PRELID2: variants seen among roughly 807,000 people sequenced by gnomAD.
The protein encoded by PRELID2 is PRELI domain-containing protein 2.
In PRELID2, 25 loss-of-function variants were observed where a neutral mutation model predicts 28.4. That is an observed-to-expected ratio of 0.88 (90% confidence interval 0.64 to 1.23). The LOEUF is 1.23. Ranked by LOEUF, PRELID2 falls within the 50% of genes most tolerant of loss-of-function variation. The pLI is 0.00. For synonymous variants in PRELID2, 76 were observed against 71.6 expected, an observed-to-expected ratio of 1.06 and a Z score of -0.31; for missense variants, 201 against 214.4, an observed-to-expected ratio of 0.94 and a Z score of 0.39.
chr5:145,784,490 G>A (rs1395769367), intron 5 of PRELID2, among the ~76,000 whole-genome samples: 1 of 152,152 alleles, frequency 6.6e-6, no homozygotes, highest in Non-Finnish European at 1.5e-5. Flanking sequence ...GATATCCAGT[G>A]CCAAATTTGC....
chr5:145,572,178 T>G (rs1316859142), intron 1 of PRELID2, among the ~76,000 whole-genome samples: 1 of 152,132 alleles, frequency 6.6e-6, no homozygotes, highest in African/African-American at 2.4e-5. Flanking sequence ...ATCAGAAAAT[T>G]TTGGCTTCTC....
At chr5:145,236,852 T>G in the PRELID2 span, among the ~76,000 whole-genome samples, 4 of 152,076 alleles carry the variant, frequency 2.6e-5, no homozygotes, top group Admixed American at 6.6e-5. Flanking sequence ...TTTGGAAAAA[T>G]AGCCACAGTT....
At chr5:145,400,067 A>G in the PRELID2 span, among the ~76,000 whole-genome samples, 1 of 152,114 alleles carries the variant, frequency 6.6e-6, no homozygotes, top group Non-Finnish European at 1.5e-5. Flanking sequence ...AATTTTATTT[A>G]ATACTGGGTT....
intron 1 of PRELID2, among the ~76,000 whole-genome samples, chr5:145,594,911 T>C (rs1753281020): frequency 6.6e-6 from 1 of 151,934 alleles, no homozygotes; most frequent in South Asian, 2.1e-4. Flanking sequence ...GCAGATCGCT[T>C]GAGGTCAGAA....
chr5:145,331,846 T>C, the PRELID2 span, among the ~76,000 whole-genome samples: 1 of 152,212 alleles, frequency 6.6e-6, no homozygotes. Context: ...CCTTAGTTTA[T>C]GCAGTTTCTT....
At chr5:145,233,651 G>A in the PRELID2 span, among the ~76,000 whole-genome samples, 1 of 152,114 alleles carries the variant, frequency 6.6e-6, no homozygotes, top group African/African-American at 2.4e-5. Context: ...CATCTCTCAG[G>A]ACAGTTATGG....
At chr5:145,319,273 G>T in the PRELID2 span, among the ~76,000 whole-genome samples, 9 of 152,244 alleles carry the variant, frequency 5.9e-5, no homozygotes, top group Admixed American at 5.9e-4. Context: ...ATCACTAAAA[G>T]GATGGGAATT....
chr5:145,232,969 G>GTATA, the PRELID2 span, among the ~76,000 whole-genome samples: 241 of 148,266 alleles, frequency 1.6e-3, 2 homozygotes, highest in Non-Finnish European at 2.6e-3. Context: ...ATGTATGTAT[G>GTATA]TATATATATA....
At chr5:145,814,822 T>A (rs1274115102) in intron 4 of PRELID2, among the ~76,000 whole-genome samples, 1 of 152,152 alleles carries the variant, frequency 6.6e-6, no homozygotes, top group Admixed American at 6.5e-5. Context: ...CTCAAAAAAA[T>A]TAATCATTTT....
the PRELID2 span, among the ~76,000 whole-genome samples, chr5:145,285,389 G>T: frequency 6.6e-6 from 1 of 152,088 alleles, no homozygotes; most frequent in Non-Finnish European, 1.5e-5. Flanking sequence ...CATCCCCGAA[G>T]CTCCCCCGCT....
the PRELID2 span, among the ~76,000 whole-genome samples, chr5:145,256,948 A>G: frequency 1.3e-5 from 2 of 151,942 alleles, no homozygotes; most frequent in Non-Finnish European, 2.9e-5. Flanking sequence ...ACTTAAGAAG[A>G]TATCTTCAAT....
rs188762755 is a variant in PRELID2, at chr5:145,676,302, A to G, written n.70+88629T>C. 4.5e-4 allele frequency among the ~76,000 whole-genome samples: 69 copies of G among 151,876 alleles called. 1 individual carries two copies. The highest frequency in any genetic ancestry group is 1.6e-3 in the African/African-American group (66 of 41,410). On this transcript the variant is annotated intron_variant and non_coding_transcript_variant, in intron 1 of 2. Transcript: ENST00000510259. ...CGCCTGTAATTCCAGCACTTTGGGC[A>G]GCCAAGGCGGGCAGATCACGAGGTC...
At chr5:145,407,211 C>T in the PRELID2 span, among the ~76,000 whole-genome samples, 1 of 152,132 alleles carries the variant, frequency 6.6e-6, no homozygotes, top group African/African-American at 2.4e-5. Context: ...GGCTTGTTGG[C>T]TGGAGCAAGA....
intron 1 of PRELID2, among the ~76,000 whole-genome samples, chr5:145,691,284 G>A (rs1331337529): frequency 6.6e-6 from 1 of 152,154 alleles, no homozygotes; most frequent in East Asian, 1.9e-4. Context: ...AGCTAACATA[G>A]GACCAAGCAC....
At chr5:145,532,571 CCTGT>C (rs1752662709) in intron 1 of PRELID2, among the ~76,000 whole-genome samples, 1 of 152,034 alleles carries the variant, frequency 6.6e-6, no homozygotes, top group Non-Finnish European at 1.5e-5. Flanking sequence ...ATGTATTCCT[CCTGT>C]CTAACTGAAA....
At chr5:145,724,230 T>A (rs370594251) in intron 1 of PRELID2, among the ~76,000 whole-genome samples, 1 of 152,104 alleles carries the variant, frequency 6.6e-6, no homozygotes, top group South Asian at 2.1e-4. Flanking sequence ...CATGGTCCCC[T>A]TGATATGATG....
chr5:145,761,789 C>T (rs531990411), intron 6 of PRELID2, among the ~76,000 whole-genome samples: 11 of 152,286 alleles, frequency 7.2e-5, no homozygotes, highest in African/African-American at 2.6e-4. Flanking sequence ...CTGACCTCTA[C>T]TTTATTATAG....
At chr5:145,506,833 T>C (rs1752416762) in intron 1 of PRELID2, among the ~76,000 whole-genome samples, 1 of 152,228 alleles carries the variant, frequency 6.6e-6, no homozygotes, top group African/African-American at 2.4e-5. Flanking sequence ...GCTGGCTCTA[T>C]CTTTGGTTTC....
intron 1 of PRELID2, among the ~76,000 whole-genome samples, chr5:145,711,143 T>G (rs1040251413): frequency 8.5e-5 from 13 of 152,172 alleles, no homozygotes; most frequent in Non-Finnish European, 1.2e-4. Context: ...ATTTTCCAAC[T>G]ACCAGTACAC....
Sources: allele counts gnomAD v4.1 joint callset (sites outside exome capture counted in the v4.1 genomes callset), GRCh38; gene constraint gnomAD v4.1.1; transcripts MANE v1.5; gene names NCBI Gene and HGNC (gene_info 2026-07-23, HGNC 2026-07-21).